CHCHD6: variants seen among roughly 807,000 people sequenced by gnomAD.
CHCHD6 encodes the protein coiled-coil-helix-coiled-coil-helix domain containing 6, also known as MICOS complex subunit MIC25.
CHCHD6 carries 28 observed loss-of-function variants against 32.3 expected under a neutral mutation model. That is an observed-to-expected ratio of 0.87 (90% CI 0.64 to 1.19). The LOEUF is 1.19. Among genes scored for constraint, CHCHD6 ranks in the 50% most tolerant of loss-of-function variants. The probability of loss-of-function intolerance (pLI) is 0.00; values close to 1 mark genes in which losing one functional copy is unlikely to be tolerated. For synonymous variants in CHCHD6, 122 were observed against 117.5 expected (o/e 1.04, Z -0.25); for missense variants, 333 against 307.0 (o/e 1.08, Z -0.63).
At chr3:126,806,962 A>G (rs1463965538) in intron 4 of CHCHD6, among the ~76,000 whole-genome samples, 1 of 147,824 alleles carries the variant, frequency 6.8e-6, no homozygotes, top group Admixed American at 6.9e-5. Flanking sequence ...AAAACGAAAC[A>G]CCGCATGTTC....
chr3:126,822,850 CTTTA>C (rs1940210696), intron 4 of CHCHD6, among the ~76,000 whole-genome samples: 1 of 151,602 alleles, frequency 6.6e-6, no homozygotes, highest in African/African-American at 2.4e-5. Context: ...TAGTAACACT[CTTTA>C]TTAATTATTG....
chr3:126,730,719 C>A, intron 3 of CHCHD6, 89 bp downstream of exon 3: 2 of 1,094,834 alleles, frequency 1.8e-6, no homozygotes, highest in Non-Finnish European at 2.7e-6. Context: ...GCCTGAAGCC[C>A]TGGAGGCTTT....
chr3:126,924,529 CAT>C, intron 6 of CHCHD6, among the ~76,000 whole-genome samples: 1 of 152,272 alleles, frequency 6.6e-6, no homozygotes, highest in African/African-American at 2.4e-5. Flanking sequence ...TGCAATTGGG[CAT>C]CAGATCCCTA....
At chr3:126,905,934 A>T (rs1250071348) in intron 5 of CHCHD6, among the ~76,000 whole-genome samples, 1 of 152,144 alleles carries the variant, frequency 6.6e-6, no homozygotes, top group Non-Finnish European at 1.5e-5. Flanking sequence ...AGACGAGGGC[A>T]TGTAACAGGA....
intron 5 of CHCHD6, among the ~76,000 whole-genome samples, chr3:126,883,310 G>A (rs1031048841): frequency 6.6e-6 from 1 of 152,200 alleles, no homozygotes; most frequent in South Asian, 2.1e-4. Context: ...TTGGTCAGAA[G>A]TTCCGGAGGT....
intron 6 of CHCHD6, among the ~76,000 whole-genome samples, chr3:126,930,002 C>T (rs1408208884): frequency 6.6e-6 from 1 of 152,212 alleles, no homozygotes; most frequent in African/African-American, 2.4e-5. Context: ...CATCTAGTTC[C>T]TAACATACCT....
intron 1 of CHCHD6, among the ~76,000 whole-genome samples, chr3:126,724,002 A>G (rs1184029219): frequency 1.3e-5 from 2 of 152,156 alleles, no homozygotes; most frequent in African/African-American, 4.8e-5. Context: ...GTTTTATGAC[A>G]CCCTTAGGCC....
intron 4 of CHCHD6, among the ~76,000 whole-genome samples, chr3:126,845,224 G>A (rs77063188): frequency 0.01 from 1,531 of 152,230 alleles, 28 homozygotes; most frequent in African/African-American, 0.035. Flanking sequence ...TGTTTCATCT[G>A]TTCTTTGTTC....
At chr3:126,830,831 G>C (rs545640860) in intron 4 of CHCHD6, among the ~76,000 whole-genome samples, 1 of 152,164 alleles carries the variant, frequency 6.6e-6, no homozygotes, top group African/African-American at 2.4e-5. Context: ...ATCCCTGACC[G>C]GATGTTTGGG....
intron 4 of CHCHD6, among the ~76,000 whole-genome samples, chr3:126,832,179 C>T (rs1229017597): frequency 6.6e-6 from 1 of 152,178 alleles, no homozygotes; most frequent in African/African-American, 2.4e-5. Context: ...ACACACTTAG[C>T]AAGGTTCAGA....
At chr3:126,737,951 A>G (rs1936121702) in intron 4 of CHCHD6, among the ~76,000 whole-genome samples, 1 of 152,154 alleles carries the variant, frequency 6.6e-6, no homozygotes, top group African/African-American at 2.4e-5. Context: ...AGACAGCTGG[A>G]CATTGATCAC....
At chr3:126,706,499 G>A (rs1469132316) in intron 1 of CHCHD6, among the ~76,000 whole-genome samples, 1 of 152,120 alleles carries the variant, frequency 6.6e-6, no homozygotes, top group Non-Finnish European at 1.5e-5. Flanking sequence ...TCCTGACAGG[G>A]ATGATAGTGC....
rs1406144965 is a variant in CHCHD6 at position 126,945,974 on chromosome 3, T to C, written c.567-11442T>C. Among the ~76,000 whole-genome samples the C allele has an allele frequency of 4.6e-5, 7 of 151,986 alleles. No individual in the cohort carries two copies. In the East Asian group the frequency reaches 1.2e-3, roughly 25 times the overall value. ...GTGCTAGGGACCCACCCAGTGCCAG[T>C]TGGGTGACAGCTCCCTGCTTTGTTG... On this transcript the variant is annotated intron_variant, in intron 6 of 7. Transcript: ENST00000290913.
chr3:126,946,539 T>G lies in CHCHD6; in HGVS notation c.567-10877T>G, dbSNP rs184698611. ...AAGCCTCAGCTCTCAAACAGGCCCCTCTCCCACCTGAGGGATGGGGCAGCT... is the reference window on the plus strand; with the variant it reads ...AAGCCTCAGCTCTCAAACAGGCCCCGCTCCCACCTGAGGGATGGGGCAGCT... On this transcript the variant is annotated intron_variant, in intron 6 of 7. Coordinates refer to ENST00000290913, the MANE Select transcript of CHCHD6 (RefSeq NM_032343.3). 3.9e-5 allele frequency among the ~76,000 whole-genome samples: 6 copies of G among 152,014 alleles called. No individual in the cohort carries two copies. In the East Asian group the frequency reaches 1.2e-3, roughly 29 times the overall value.
intron 5 of CHCHD6, among the ~76,000 whole-genome samples, chr3:126,883,682 C>T (rs2077642090): frequency 6.6e-6 from 1 of 152,246 alleles, no homozygotes; most frequent in East Asian, 1.9e-4. Context: ...TGGGCCCCTG[C>T]TGCCTTTGAC....
At chr3:126,735,862 A>G (rs1391585579) in intron 4 of CHCHD6, among the ~76,000 whole-genome samples, 1 of 152,170 alleles carries the variant, frequency 6.6e-6, no homozygotes, top group Non-Finnish European at 1.5e-5. Flanking sequence ...GTTGGCTTCT[A>G]TTGCTTGATG....
At chr3:126,937,322 A>T (rs958913591) in intron 6 of CHCHD6, among the ~76,000 whole-genome samples, 1 of 152,206 alleles carries the variant, frequency 6.6e-6, no homozygotes. Context: ...AGAGTCTAAG[A>T]TTCTGAGGGA....
intron 5 of CHCHD6, among the ~76,000 whole-genome samples, chr3:126,897,001 C>T (rs1188295444): frequency 1.3e-5 from 2 of 152,336 alleles, no homozygotes; most frequent in East Asian, 3.9e-4. Flanking sequence ...GGACCTTAAC[C>T]TCCCAGAGTG....
At chr3:126,855,386 A>T (rs115738904) in intron 5 of CHCHD6, among the ~76,000 whole-genome samples, 2,422 of 152,144 alleles carry the variant, frequency 0.016, 36 homozygotes, top group South Asian at 0.026. Flanking sequence ...TAATGGGAGG[A>T]TTAAGGGAAA....
Sources: allele counts gnomAD v4.1 joint callset (sites outside exome capture counted in the v4.1 genomes callset), GRCh38; gene constraint gnomAD v4.1.1; transcripts MANE v1.5; gene names NCBI Gene and HGNC (gene_info 2026-07-23, HGNC 2026-07-21).